Variants in ANKS1B observed in about 807,000 individuals in gnomAD.
The protein encoded by ANKS1B is ankyrin repeat and sterile alpha motif domain containing 1B.
Under a neutral mutation model 148.3 loss-of-function variants are expected in ANKS1B, and 36 were observed. The observed-to-expected ratio is 0.24, with a 90% CI of 0.19 to 0.32. The LOEUF (loss-of-function observed/expected upper bound fraction) is 0.32, where lower values mean the gene tolerates loss of function less well. Among genes scored for constraint, ANKS1B ranks in the 10% least tolerant of loss-of-function variants. The probability of loss-of-function intolerance (pLI) is 1.00; values close to 1 mark genes in which losing one functional copy is unlikely to be tolerated. For missense variants in ANKS1B, 1,157 were observed against 1,542.6 expected (o/e 0.75, Z 4.19); for synonymous variants, 542 against 560.8 (o/e 0.97, Z 0.47).
intron 14 of ANKS1B, among the ~76,000 whole-genome samples, chr12:99,193,153 T>A (rs1423194805): frequency 6.6e-6 from 1 of 152,206 alleles, no homozygotes; most frequent in African/African-American, 2.4e-5. Context: ...ATATGCTTAT[T>A]CCTTGTACAT....
intron 4 of ANKS1B, among the ~76,000 whole-genome samples, chr12:99,799,775 A>C (rs2153654938): frequency 6.6e-6 from 1 of 152,254 alleles, no homozygotes; most frequent in South Asian, 2.1e-4. Context: ...TGGAGGTAGG[A>C]GTGTACATAA....
At chr12:98,762,745 C>A (rs915202114) in intron 25 of ANKS1B, among the ~76,000 whole-genome samples, 2 of 152,196 alleles carry the variant, frequency 1.3e-5, no homozygotes, top group African/African-American at 4.8e-5. Flanking sequence ...TGCCACAATA[C>A]CTTGGGCACA....
At chr12:99,352,990 G>T (rs1365333903) in intron 12 of ANKS1B, among the ~76,000 whole-genome samples, 2 of 151,976 alleles carry the variant, frequency 1.3e-5, no homozygotes. Context: ...AATTCAAATT[G>T]TAATTAGACT....
At position 99,419,807 on chromosome 12, in the gene ANKS1B, T is replaced by C. The variant is rs568751032; in HGVS notation, c.1576-19996A>G. ...CCTTAGCCCCCTGAGTAGTTAGCAA[T>C]ACAGGCACACACCACCGTGTCCAAC... On this transcript the variant is annotated intron_variant, in intron 11 of 26. Coordinates refer to ENST00000683438, the MANE Select transcript of ANKS1B (RefSeq NM_001352186.2). 1.8e-4 allele frequency among the ~76,000 whole-genome samples: 28 copies of C among 152,224 alleles called. 2 individuals are homozygous for C. The East Asian group carries it at 5.2e-3, about 28-fold the overall frequency.
intron 12 of ANKS1B, among the ~76,000 whole-genome samples, chr12:99,320,736 G>T (rs1282046575): frequency 6.6e-6 from 1 of 152,158 alleles, no homozygotes; most frequent in Non-Finnish European, 1.5e-5. Context: ...TTGTTCTGTT[G>T]CTGGCAAGGA....
intron 11 of ANKS1B, among the ~76,000 whole-genome samples, chr12:99,414,948 T>C (rs1243558874): frequency 1.3e-5 from 2 of 152,240 alleles, no homozygotes; most frequent in Non-Finnish European, 2.9e-5. Flanking sequence ...AAATTTGTAA[T>C]ATATGTTTCT....
intron 15 of ANKS1B, among the ~76,000 whole-genome samples, chr12:99,147,189 A>G (rs1402441962): frequency 1.3e-5 from 2 of 152,136 alleles, no homozygotes; most frequent in Non-Finnish European, 2.9e-5. Context: ...AAAGGGTACT[A>G]TAGAAGGAGA....
chr12:99,389,841 C>T (rs902870686), intron 12 of ANKS1B, among the ~76,000 whole-genome samples: 3 of 152,168 alleles, frequency 2.0e-5, no homozygotes, highest in African/African-American at 4.8e-5. Context: ...CTACTGCGCC[C>T]TTGCCTCTGC....
chr12:99,267,649 A>T (rs980205246), intron 12 of ANKS1B, among the ~76,000 whole-genome samples: 1 of 152,218 alleles, frequency 6.6e-6, no homozygotes, highest in Admixed American at 6.5e-5. Flanking sequence ...TTAATCAAAC[A>T]AGGTCCATTA....
chr12:98,806,379 C>A lies in ANKS1B; in HGVS notation c.3141+1465G>T, dbSNP rs181431801. On this transcript the variant is annotated intron_variant, in intron 20 of 26. Transcript: ENST00000683438. ...AAATCTTTTCTATGAGGACTGCTCC[C>A]ACCTACTTGCTTATAAATTTAGATC... Among the ~76,000 whole-genome samples, 1,061 of 152,194 alleles carry A rather than the reference C, an allele frequency of 7.0e-3. 17 individuals carry two copies. Among genetic ancestry groups the A allele is most frequent in the African/African-American group, 0.024 (1,007 of 41,526 alleles).
At position 99,117,050 on chromosome 12, in the gene ANKS1B, T is replaced by G. The variant is rs1240383627; in HGVS notation, c.2527-32027A>C. On this transcript the variant is annotated intron_variant, in intron 15 of 26. Transcript: ENST00000683438. The stretch of plus-strand genomic sequence containing the variant: ...GCTTGTGATATTTGCACATTGATTT[T>G]GTATCCTGAGACTTTGCTGAAGTTG... 3.9e-5 allele frequency among the ~76,000 whole-genome samples: 6 copies of G among 152,358 alleles called. No homozygotes were observed. In the East Asian group the frequency reaches 7.7e-4, roughly 20 times the overall value.
At chr12:98,856,290 AC>A (rs769666884) in intron 17 of ANKS1B, among the ~76,000 whole-genome samples, 13 of 152,110 alleles carry the variant, frequency 8.5e-5, no homozygotes, top group Non-Finnish European at 1.5e-4. Context: ...ACTAATGGTA[AC>A]CCATTCTCCT....
chr12:98,925,096 C>G (rs534731091), intron 17 of ANKS1B, among the ~76,000 whole-genome samples: 29 of 152,272 alleles, frequency 1.9e-4, no homozygotes, highest in African/African-American at 7.0e-4. Context: ...GAATAATGAG[C>G]TACAGCAGAA....
At chr12:99,677,861 T>C (rs2098588617) in intron 8 of ANKS1B, among the ~76,000 whole-genome samples, 1 of 151,908 alleles carries the variant, frequency 6.6e-6, no homozygotes, top group Non-Finnish European at 1.5e-5. Flanking sequence ...TAGTCCCAGC[T>C]ACTCGGGAGG....
At chr12:98,753,986 C>T (rs1305610465) in intron 25 of ANKS1B, among the ~76,000 whole-genome samples, 1 of 152,122 alleles carries the variant, frequency 6.6e-6, no homozygotes, top group Non-Finnish European at 1.5e-5. Flanking sequence ...GAAAGAGGCC[C>T]AAGGGTTCTA....
chr12:99,164,415 T>C (rs531702106), intron 14 of ANKS1B, among the ~76,000 whole-genome samples: 1 of 152,126 alleles, frequency 6.6e-6, no homozygotes, highest in Non-Finnish European at 1.5e-5. Flanking sequence ...ATTTACATTG[T>C]TGTTTCCTCA....
At chr12:99,829,265 C>T (rs2083606541) in intron 1 of ANKS1B, among the ~76,000 whole-genome samples, 1 of 152,080 alleles carries the variant, frequency 6.6e-6, no homozygotes, top group African/African-American at 2.4e-5. Flanking sequence ...AATCCCAGCA[C>T]TTTAGGAGAC....
At chr12:99,346,968 A>G (rs1039539615) in intron 12 of ANKS1B, among the ~76,000 whole-genome samples, 1 of 152,028 alleles carries the variant, frequency 6.6e-6, no homozygotes, top group Non-Finnish European at 1.5e-5. Flanking sequence ...CATCCCCACC[A>G]TTGCTGGCTT....
chr12:98,945,505 CAAAAAAAAAA>C (rs3051086), intron 17 of ANKS1B, among the ~76,000 whole-genome samples: 1,720 of 29,840 alleles, frequency 0.058, 4 homozygotes, highest in Non-Finnish European at 0.095. Flanking sequence ...AACAAACAAA[CAAAAAAAAAA>C]AAAAAAAAAA....
Sources: gnomAD v4.1 joint callset for allele counts (sites outside exome capture counted in the v4.1 genomes callset) on GRCh38, gnomAD v4.1.1 for gene constraint, MANE v1.5 for transcripts, NCBI Gene and HGNC (gene_info 2026-07-23, HGNC 2026-07-21) for gene names.